The following PLXDC2 variants were observed in gnomAD, a reference collection of about 807,000 sequenced individuals.
The protein encoded by PLXDC2 is plexin domain containing 2.
In PLXDC2, 40 loss-of-function variants were observed where a neutral mutation model predicts 68.9. The observed-to-expected ratio is 0.58, with a 90% CI of 0.45 to 0.76. PLXDC2 has a LOEUF of 0.76. Among genes scored for constraint, PLXDC2 ranks in the 30% least tolerant of loss-of-function variants. The pLI is 0.00. For missense variants in PLXDC2, 644 were observed against 661.9 expected (o/e 0.97, Z 0.30); for synonymous variants, 243 against 234.2 (o/e 1.04, Z -0.34).
chr10:20,218,163 A>C (rs958295171), intron 11 of PLXDC2, among the ~76,000 whole-genome samples: 4 of 152,108 alleles, frequency 2.6e-5, no homozygotes, highest in Admixed American at 6.6e-5. Flanking sequence ...GCTCAGGAGG[A>C]AGAAAGTGTA....
chr10:20,138,362 T>C (rs1833959962), intron 4 of PLXDC2, among the ~76,000 whole-genome samples: 2 of 152,188 alleles, frequency 1.3e-5, no homozygotes, highest in South Asian at 4.1e-4. Context: ...AGTGATTGCC[T>C]TAGAAATGAC....
In PLXDC2 at chr10:19,994,253, CTTTTTTTTTTTTTT is replaced by C. The variant is rs528321973; in HGVS notation, c.113-7512_113-7499del. ...TTTCATAGGTTCCCATTGTATTCTC[CTTTTTTTTTTTTTT>C]TTTTTTTTTAACCATTTTCTCTGAC... On this transcript the variant is annotated intron_variant, in intron 1 of 13. Coordinates refer to ENST00000377252, the MANE Select transcript of PLXDC2 (RefSeq NM_032812.9). Among the ~76,000 whole-genome samples, 138 of 87,484 alleles carry C rather than the reference CTTTTTTTTTTTTTT, an allele frequency of 1.6e-3. 1 individual carries two copies. The highest frequency in any genetic ancestry group is 2.6e-3 in the Non-Finnish European group (118 of 45,072). The allele number at this position is 87,484 out of a possible 152,430, so 57.4% of individuals were successfully genotyped here. A position where few individuals can be genotyped will look rare whatever the true frequency, so the allele number is the denominator to read the frequency against.
intron 3 of PLXDC2, among the ~76,000 whole-genome samples, chr10:20,049,259 G>A (rs1040256378): frequency 9.2e-5 from 14 of 152,066 alleles, no homozygotes; most frequent in African/African-American, 2.7e-4. Flanking sequence ...ACATTATACC[G>A]AATGGGCAAA....
intron 1 of PLXDC2, among the ~76,000 whole-genome samples, chr10:19,833,375 G>T (rs1009440745): frequency 6.6e-6 from 1 of 152,204 alleles, no homozygotes; most frequent in African/African-American, 2.4e-5. Flanking sequence ...AGCAGGCTCA[G>T]ACTTGCATGG....
intron 2 of PLXDC2, among the ~76,000 whole-genome samples, chr10:20,027,305 C>T (rs571114647): frequency 2.0e-5 from 3 of 152,034 alleles, no homozygotes; most frequent in African/African-American, 7.2e-5. Flanking sequence ...TTTATAAGGC[C>T]TCTGCCCTCA....
intron 1 of PLXDC2, among the ~76,000 whole-genome samples, chr10:19,987,710 C>A (rs941914298): frequency 6.6e-6 from 1 of 151,696 alleles, no homozygotes; most frequent in African/African-American, 2.4e-5. Context: ...TATAGGCGCC[C>A]GCCACCACCC....
intron 1 of PLXDC2, among the ~76,000 whole-genome samples, chr10:19,898,382 G>A (rs917309783): frequency 6.6e-5 from 10 of 152,058 alleles, no homozygotes; most frequent in African/African-American, 1.9e-4. Context: ...TCTCTTTCTC[G>A]CGCTGCACTT....
At chr10:20,273,282 G>A (rs992333572) in intron 13 of PLXDC2, among the ~76,000 whole-genome samples, 2 of 151,700 alleles carry the variant, frequency 1.3e-5, no homozygotes, top group African/African-American at 4.8e-5. Context: ...GATTTTTACT[G>A]GCATGATTGT....
intron 1 of PLXDC2, among the ~76,000 whole-genome samples, chr10:19,855,403 G>C (rs1004579765): frequency 1.6e-4 from 24 of 152,086 alleles, no homozygotes; most frequent in African/African-American, 5.3e-4. Context: ...CTGGATTTGA[G>C]TCCTAGGTCT....
chr10:19,997,285 T>A (rs998258605), intron 1 of PLXDC2, among the ~76,000 whole-genome samples: 1 of 152,220 alleles, frequency 6.6e-6, no homozygotes, highest in African/African-American at 2.4e-5. Context: ...CTGCAATGAA[T>A]TGAGATGCAA....
chr10:19,916,096 T>A (rs955715301), intron 1 of PLXDC2, among the ~76,000 whole-genome samples: 1 of 151,340 alleles, frequency 6.6e-6, no homozygotes, highest in Admixed American at 6.6e-5. Context: ...AGATAAAATA[T>A]TTACGGGGAA....
intron 1 of PLXDC2, among the ~76,000 whole-genome samples, chr10:19,943,267 C>G (rs1024649825): frequency 8.3e-6 from 1 of 120,450 alleles, no homozygotes; most frequent in African/African-American, 3.6e-5. Context: ...TATAAGTGTT[C>G]TGTAACATTA....
At chr10:20,074,969 C>A (rs938291631) in intron 4 of PLXDC2, among the ~76,000 whole-genome samples, 2 of 152,000 alleles carry the variant, frequency 1.3e-5, no homozygotes, top group South Asian at 2.1e-4. Context: ...TAAATTCATT[C>A]CAACTTGCTT....
chr10:19,875,578 T>A (rs1170402041), intron 1 of PLXDC2, among the ~76,000 whole-genome samples: 1 of 152,080 alleles, frequency 6.6e-6, no homozygotes, highest in Non-Finnish European at 1.5e-5. Flanking sequence ...GAAATAAAGG[T>A]GCTGTATGGT....
chr10:19,817,728 G>C (rs12262332), intron 1 of PLXDC2, among the ~76,000 whole-genome samples: 13 of 152,132 alleles, frequency 8.5e-5, no homozygotes, highest in Admixed American at 6.5e-4. Flanking sequence ...GCGCTGGAAG[G>C]GGGGCGGGGT....
chr10:19,857,607 G>T (rs1015390845), intron 1 of PLXDC2, among the ~76,000 whole-genome samples: 1 of 152,158 alleles, frequency 6.6e-6, no homozygotes. Flanking sequence ...TTTCCAATTT[G>T]TAAAGTTTGT....
rs139382683 is a variant in PLXDC2 at position 20,018,059 on chromosome 10, G to T, written c.324+16073G>T. ...CTAGTTTCTCCAGAGACATCCGAAC[G>T]CTTACATATTGGCTATTCATTCATT... On this transcript the variant is annotated intron_variant, in intron 2 of 13. Transcript: ENST00000377252. 2.0e-5 allele frequency among the ~76,000 whole-genome samples: 3 copies of T among 152,272 alleles called. No individual in the cohort carries two copies. In the South Asian group the frequency reaches 6.2e-4, roughly 32 times the overall value.
chr10:20,229,776 C>A (rs867733146), intron 12 of PLXDC2, among the ~76,000 whole-genome samples: 23 of 152,254 alleles, frequency 1.5e-4, no homozygotes, highest in African/African-American at 4.6e-4. Flanking sequence ...CTAAGGACAG[C>A]AGTTAATTAT....
intron 3 of PLXDC2, among the ~76,000 whole-genome samples, chr10:20,066,982 GTAT>G (rs1329907264): frequency 6.6e-6 from 1 of 152,028 alleles, no homozygotes; most frequent in Non-Finnish European, 1.5e-5. Context: ...TTGATCATCT[GTAT>G]TATATTAGGT....
Sources: gnomAD v4.1 joint callset for allele counts (sites outside exome capture counted in the v4.1 genomes callset) on GRCh38, gnomAD v4.1.1 for gene constraint, MANE v1.5 for transcripts, NCBI Gene and HGNC (gene_info 2026-07-23, HGNC 2026-07-21) for gene names.